ADAMTS20: variants seen among roughly 807,000 people sequenced by gnomAD.
ADAMTS20 encodes A disintegrin and metalloproteinase with thrombospondin motifs 20.
A neutral mutation model predicts 260.1 loss-of-function variants in ADAMTS20; 225 were observed. That is an observed-to-expected ratio of 0.87 (90% CI 0.78 to 0.97). ADAMTS20 has a LOEUF of 0.97. Ranked by LOEUF, ADAMTS20 falls within the 50% of genes least tolerant of loss-of-function variation. The pLI is 0.00. For missense variants in ADAMTS20, 2,400 were observed against 2,337.7 expected (o/e 1.03, Z -0.55); for synonymous variants, 802 against 769.5 (o/e 1.04, Z -0.70).
chr12:43,454,071 CA>C lies in ADAMTS20; in HGVS notation c.1615-20del. On this transcript the variant is annotated intron_variant, in intron 11 of 38. Coordinates refer to ENST00000389420, the MANE Select transcript of ADAMTS20 (RefSeq NM_025003.5). ...GGCAATGCTATAAAAATAATAAGCA[CA>C]AAAAGAAATGATGTGTGTCTCTAAT... 1 of 1,602,766 alleles carries C rather than the reference CA, an allele frequency of 6.2e-7. No individual in the cohort carries two copies. Among genetic ancestry groups the C allele is most frequent in the Non-Finnish European group, 8.5e-7 (1 of 1,175,444 alleles).
At chr12:43,429,819 G>A (rs780263187) in intron 23 of ADAMTS20, 95 bp from the exon 24 acceptor site, 22 of 738,654 alleles carry the variant, frequency 3.0e-5, no homozygotes, top group Middle Eastern at 2.8e-4. Context: ...CTCAAGAACC[G>A]TTCCATACTA....
intron 11 of ADAMTS20, among the ~76,000 whole-genome samples, chr12:43,462,357 G>A (rs960124049): frequency 3.3e-5 from 5 of 152,202 alleles, no homozygotes; most frequent in Non-Finnish European, 4.4e-5. Flanking sequence ...CATGGTGAGC[G>A]TTATTCAACA....
chr12:43,493,361 G>GA (rs1361463652), intron 4 of ADAMTS20, 108 bp from the exon 5 acceptor site: 1 of 726,522 alleles, frequency 1.4e-6, no homozygotes, highest in East Asian at 2.7e-5. Flanking sequence ...CTGCACGTAG[G>GA]AATCTTGGAA....
intron 31 of ADAMTS20, among the ~76,000 whole-genome samples, chr12:43,377,844 G>T (rs1034413534): frequency 2.6e-5 from 4 of 151,944 alleles, no homozygotes; most frequent in African/African-American, 4.8e-5. Context: ...CATCTTAATT[G>T]TATGAAACTA....
At chr12:43,433,754 A>T in intron 19 of ADAMTS20, 1 of 471,302 alleles carries the variant, frequency 2.1e-6, no homozygotes, top group Non-Finnish European at 4.2e-6. Context: ...ACCAAATAAC[A>T]AGAAATTTAA....
chr12:43,381,764 GAACAAGA>G (rs201046997), intron 31 of ADAMTS20, among the ~76,000 whole-genome samples: 2,974 of 60,394 alleles, frequency 0.049, 52 homozygotes, highest in East Asian at 0.17. Flanking sequence ...TTGGGCAACA[GAACAAGA>G]CTGCATCTCA....
Position 43,502,140 on chromosome 12 carries a change from A to C in ADAMTS20, c.867+12T>G, listed in dbSNP as rs1942775567. The C allele has an allele frequency of 1.3e-6, 2 of 1,529,204 alleles. No homozygotes were observed. Among genetic ancestry groups the C allele is most frequent in the Non-Finnish European group, 1.7e-6 (2 of 1,147,892 alleles). The allele number at this position is 1,529,204 out of a possible 1,614,324, so 94.7% of individuals were successfully genotyped here. On this transcript the variant is annotated intron_variant, in intron 4 of 38. Transcript: ENST00000389420. ...TTTTAGGAAATATAAAAGTCATATT[A>C]AGTTTACTTACAATTGACATTAGAG...
rs1212205897 is a variant in ADAMTS20 at position 43,435,671 on chromosome 12, AT to A, written c.2594-1301del. On this transcript the variant is annotated intron_variant, in intron 18 of 38. Transcript: ENST00000389420. ...AAAAAAAAAAAACAAAAAAATAAAA[AT>A]AAAAATAAAATAAAAAAAGTCTATA... Among the ~76,000 whole-genome samples, 59 of 133,124 alleles carry A rather than the reference AT, an allele frequency of 4.4e-4. 1 individual carries two copies. Among genetic ancestry groups the A allele is most frequent in the African/African-American group, 1.5e-3 (54 of 36,980 alleles). 87.3% of individuals were successfully genotyped at this position (133,124 alleles called of 152,430 possible). A position where few individuals can be genotyped will look rare whatever the true frequency, so the allele number is the denominator to read the frequency against.
intron 28 of ADAMTS20, among the ~76,000 whole-genome samples, chr12:43,412,323 C>T (rs570506203): frequency 6.6e-6 from 1 of 152,198 alleles, no homozygotes; most frequent in Non-Finnish European, 1.5e-5. Flanking sequence ...GTTGCTTGAG[C>T]ATTTTTATTT....
At chr12:43,356,428 G>T in intron 38 of ADAMTS20, 56 bp downstream of exon 38, 1 of 1,149,678 alleles carries the variant, frequency 8.7e-7, no homozygotes, top group Non-Finnish European at 1.3e-6. Context: ...AACCTTTAAT[G>T]CTAGTTCATA....
chr12:43,468,677 A>G lies in ADAMTS20; in HGVS notation c.1146T>C (p.Asp382=). The G allele has an allele frequency of 2.5e-6, 4 of 1,606,812 alleles. No individual in the cohort carries two copies. The highest frequency in any genetic ancestry group is 3.4e-6 in the Non-Finnish European group (4 of 1,175,508). ...CATTAATAAAGCAGCTTTGTAAAGG[A>G]TCACATATGGTACCTAAATATGATA... The part of the protein sequence containing the change: ...LGLSYLGTIC[D]PLQSCFINEE... Residue 382 remains aspartate (D), a synonymous_variant, in exon 8 of 39, where the codon GAT becomes GAC. Transcript: ENST00000389420.
intron 18 of ADAMTS20, among the ~76,000 whole-genome samples, chr12:43,435,086 T>C (rs1941524976): frequency 6.6e-6 from 1 of 152,218 alleles, no homozygotes; most frequent in South Asian, 2.1e-4. Context: ...ATGTATGATA[T>C]TATATTGGTG....
intron 28 of ADAMTS20, among the ~76,000 whole-genome samples, chr12:43,421,677 A>C (rs936315127): frequency 6.6e-6 from 1 of 152,026 alleles, no homozygotes; most frequent in African/African-American, 2.4e-5. Flanking sequence ...TTACATCATT[A>C]ATTTGTATTC....
chr12:43,428,515 C>G lies in ADAMTS20; in HGVS notation c.3671G>C (p.Gly1224Ala). 6.2e-7 allele frequency: 1 copy of G among 1,613,180 alleles called. No homozygotes were observed. The highest frequency in any genetic ancestry group is 8.5e-7 in the Non-Finnish European group (1 of 1,179,456). The stretch of plus-strand genomic sequence containing the variant: ...AACTTGTCGAGTTGTTTTTCCATGG[C>G]CACAGGAAGCTGAACACTGATCAAA... ...GDWSPCSASC[G>A]HGKTTRQVLC... The change falls in exon 26 of 39, where the codon GGC (glycine) becomes GCC (alanine). Residue 1224 changes from glycine (G) to alanine (A), a missense_variant. Gly to Ala is a moderately conservative substitution (Grantham distance 60). Coordinates refer to ENST00000389420, the MANE Select transcript of ADAMTS20 (RefSeq NM_025003.5).
chr12:43,409,576 T>A (rs1422704147), intron 28 of ADAMTS20, among the ~76,000 whole-genome samples: 1 of 104,120 alleles, frequency 9.6e-6, no homozygotes, highest in East Asian at 2.6e-4. Flanking sequence ...CACTCCAGCC[T>A]GGGCGACAGA....
At chr12:43,513,043 C>A (rs1303068757) in intron 3 of ADAMTS20, among the ~76,000 whole-genome samples, 1 of 152,116 alleles carries the variant, frequency 6.6e-6, no homozygotes, top group Non-Finnish European at 1.5e-5. Context: ...AAGCATAGAA[C>A]TGAGACAAGA....
At position 43,430,429 on chromosome 12, in the gene ADAMTS20, T is replaced by A. The variant is rs1941419861; in HGVS notation, c.3304A>T (p.Lys1102Ter). ...GCACTAGCTAGCTCATTGACACATT[T>A]AACATCTCGCATCTGATACCCATGT... The part of the protein sequence containing the change: ...CGHGYQMRDV[K>*]CVNELASAVL... Residue 1102 changes from lysine to a stop codon, truncating the protein, a stop_gained, in exon 23 of 39, where the codon AAA (lysine) becomes TAA (stop). Transcript: ENST00000389420. LOFTEE classifies it high-confidence loss of function. 1 of 1,613,138 alleles carries A rather than the reference T, an allele frequency of 6.2e-7. No individual in the cohort carries two copies. Among genetic ancestry groups the A allele is most frequent in the African/African-American group, 1.3e-5 (1 of 74,906 alleles).
In ADAMTS20 at chr12:43,428,706, A is replaced by T. The variant is rs1320924536; in HGVS notation, c.3583T>A (p.Leu1195Ile). 1 of 1,612,780 alleles carries T rather than the reference A, an allele frequency of 6.2e-7. No individual in the cohort carries two copies. The highest frequency in any genetic ancestry group is 2.2e-5 in the East Asian group (1 of 44,836). Residue 1195 changes from leucine (L) to isoleucine (I), a missense_variant, in exon 25 of 39, where the codon TTA becomes ATA. By Grantham distance (5) the Leu-to-Ile change is conservative. Coordinates refer to ENST00000389420, the MANE Select transcript of ADAMTS20 (RefSeq NM_025003.5). ...TCCCATATTTCAGCAGGTCGGGGTAAGTGGGCACAATATGATTCATCTGCT... is the reference window on the plus strand; with the variant it reads ...TCCCATATTTCAGCAGGTCGGGGTATGTGGGCACAATATGATTCATCTGCT... ...RIADESYCAH[L>I]PRPAEIWDCF...
intron 3 of ADAMTS20, among the ~76,000 whole-genome samples, chr12:43,510,454 T>A (rs776436496): frequency 2.4e-4 from 36 of 152,210 alleles, no homozygotes; most frequent in Non-Finnish European, 4.6e-4. Flanking sequence ...ATTACTTTTT[T>A]TTTTTGTATT....
Sources: gnomAD v4.1 joint callset for allele counts (sites outside exome capture counted in the v4.1 genomes callset) on GRCh38, gnomAD v4.1.1 for gene constraint, MANE v1.5 for transcripts, NCBI Gene and HGNC (gene_info 2026-07-23, HGNC 2026-07-21) for gene names.